Variants in RIT2 observed in about 807,000 individuals in gnomAD.
RIT2 encodes the protein GTP-binding protein Rit2.
In RIT2, 24 loss-of-function variants were observed where a neutral mutation model predicts 23.7. That is an observed-to-expected ratio of 1.01 (90% confidence interval 0.73 to 1.43). The LOEUF (loss-of-function observed/expected upper bound fraction) is 1.43. Among genes scored for constraint, RIT2 ranks in the 40% most tolerant of loss-of-function variants. RIT2 has a pLI of 0.00. For missense variants in RIT2, 236 were observed against 266.9 expected (o/e 0.88, Z 0.81); for synonymous variants, 107 against 91.1 (o/e 1.17, Z -0.99).
At chr18:43,055,168 G>A (rs1912471122) in intron 1 of RIT2, among the ~76,000 whole-genome samples, 1 of 152,102 alleles carries the variant, frequency 6.6e-6, no homozygotes, top group South Asian at 2.1e-4. Context: ...AGAGCAACCT[G>A]ATAAATCAGT....
At chr18:43,023,410 T>A (rs931256477) in intron 2 of RIT2, among the ~76,000 whole-genome samples, 2 of 152,094 alleles carry the variant, frequency 1.3e-5, no homozygotes, top group South Asian at 2.1e-4. Flanking sequence ...AAAGTCTAGA[T>A]GTCCTTATCC....
chr18:42,834,566 C>CACAT (rs1246999728), intron 4 of RIT2, among the ~76,000 whole-genome samples: 1 of 152,092 alleles, frequency 6.6e-6, no homozygotes, highest in East Asian at 1.9e-4. Flanking sequence ...CACACATACA[C>CACAT]ACATACACAC....
rs554311242 is a variant in RIT2 at position 42,949,879 on chromosome 18, G to A, written c.234+24195C>T. On this transcript the variant is annotated intron_variant, in intron 3 of 4. Coordinates refer to ENST00000326695, the MANE Select transcript of RIT2 (RefSeq NM_002930.4). Reference sequence around the variant, plus strand: ...CTGTTCCTGAAGGGAGCATTTTTAGGGCTTGGATGTTATGTACACAAGAAA... The same window carrying A: ...CTGTTCCTGAAGGGAGCATTTTTAGAGCTTGGATGTTATGTACACAAGAAA... 2.0e-5 allele frequency among the ~76,000 whole-genome samples: 3 copies of A among 152,092 alleles called. No individual in the cohort carries two copies. In the East Asian group the frequency reaches 5.8e-4, roughly 29 times the overall value.
chr18:43,104,967 T>G (rs1055169047), intron 1 of RIT2, among the ~76,000 whole-genome samples: 2 of 152,138 alleles, frequency 1.3e-5, no homozygotes, highest in Non-Finnish European at 2.9e-5. Context: ...ATACACAAAT[T>G]GGAAAAATTA....
At chr18:43,111,262 C>T (rs1349826287) in intron 1 of RIT2, among the ~76,000 whole-genome samples, 1 of 151,950 alleles carries the variant, frequency 6.6e-6, no homozygotes, top group Admixed American at 6.6e-5. Flanking sequence ...CAATTTAATT[C>T]ATGGAGATAG....
chr18:43,041,384 A>G (rs1398273428), intron 1 of RIT2, among the ~76,000 whole-genome samples: 1 of 152,198 alleles, frequency 6.6e-6, no homozygotes, highest in Non-Finnish European at 1.5e-5. Flanking sequence ...TATAGCAAGT[A>G]AGAATACTAC....
At chr18:42,756,531 G>A (rs2143892233) in intron 4 of RIT2, among the ~76,000 whole-genome samples, 1 of 152,268 alleles carries the variant, frequency 6.6e-6, no homozygotes, top group African/African-American at 2.4e-5. Context: ...TTTGCTAACA[G>A]CAATATCTGC....
rs570187857 is a variant in RIT2 at position 43,105,614 on chromosome 18, G to A, written c.103+9803C>T. Among the ~76,000 whole-genome samples the A allele has an allele frequency of 2.0e-5, 3 of 152,138 alleles. No homozygotes were observed. The East Asian group carries it at 5.8e-4, about 29-fold the overall frequency. On this transcript the variant is annotated intron_variant, in intron 1 of 4. Transcript: ENST00000326695. ...GTCATCTACCCAGCAATTCTCTGAG[G>A]ATATTTTAATTAAAGCCCTTAATGA... is the stretch of plus-strand genomic sequence containing the variant.
chr18:42,846,937 C>T (rs892272454), intron 4 of RIT2, among the ~76,000 whole-genome samples: 3 of 152,076 alleles, frequency 2.0e-5, no homozygotes, highest in Non-Finnish European at 2.9e-5. Context: ...GTATCTTGAA[C>T]TGGAGTATAA....
intron 4 of RIT2, among the ~76,000 whole-genome samples, chr18:42,854,862 C>A (rs1185983438): frequency 6.6e-6 from 1 of 152,164 alleles, no homozygotes; most frequent in Admixed American, 6.5e-5. Context: ...GCCCTTCCTG[C>A]AGGACCCAAC....
At chr18:42,831,922 C>T (rs1906469634) in intron 4 of RIT2, among the ~76,000 whole-genome samples, 1 of 152,182 alleles carries the variant, frequency 6.6e-6, no homozygotes, top group Admixed American at 6.5e-5. Flanking sequence ...CTACACTAAT[C>T]CTGTAGCTTC....
chr18:42,804,905 G>C (rs955343633), intron 4 of RIT2, among the ~76,000 whole-genome samples: 1 of 152,204 alleles, frequency 6.6e-6, no homozygotes, highest in Admixed American at 6.5e-5. Context: ...AGGGCAGTGT[G>C]AGGCCATTGG....
At chr18:43,021,913 T>C (rs1437010723) in intron 2 of RIT2, among the ~76,000 whole-genome samples, 1 of 152,040 alleles carries the variant, frequency 6.6e-6, no homozygotes, top group Non-Finnish European at 1.5e-5. Flanking sequence ...CCAAAAAAAC[T>C]AAAAGTAGAA....
chr18:42,893,739 T>C (rs781545183), intron 4 of RIT2, among the ~76,000 whole-genome samples: 2 of 152,208 alleles, frequency 1.3e-5, no homozygotes, highest in Non-Finnish European at 2.9e-5. Context: ...GTATCTATAA[T>C]GAAGATAGAA....
At chr18:42,846,462 T>C (rs2144030696) in intron 4 of RIT2, among the ~76,000 whole-genome samples, 1 of 152,144 alleles carries the variant, frequency 6.6e-6, no homozygotes, top group African/African-American at 2.4e-5. Context: ...GGCATCAGCT[T>C]TGATAATAAA....
intron 4 of RIT2, among the ~76,000 whole-genome samples, chr18:42,773,232 C>G (rs199515800): frequency 6.6e-6 from 1 of 152,072 alleles, no homozygotes; most frequent in African/African-American, 2.4e-5. Flanking sequence ...TGATGCAGAA[C>G]TGACATCTCT....
At chr18:42,947,822 T>C (rs1909762041) in intron 3 of RIT2, among the ~76,000 whole-genome samples, 1 of 152,116 alleles carries the variant, frequency 6.6e-6, no homozygotes, top group Non-Finnish European at 1.5e-5. Flanking sequence ...ATAGTAGCTG[T>C]ATATAAAATA....
chr18:42,778,583 G>T (rs1270560514), intron 4 of RIT2, among the ~76,000 whole-genome samples: 1 of 152,050 alleles, frequency 6.6e-6, no homozygotes. Context: ...GTCATTTTTA[G>T]AAGTCATTCT....
rs1300815933 is a variant in RIT2, at chr18:42,870,773, A to G, written c.426+52799T>C. 3.3e-5 allele frequency among the ~76,000 whole-genome samples: 5 copies of G among 151,690 alleles called. No homozygotes were observed. In the East Asian group the frequency reaches 9.7e-4, roughly 29 times the overall value. ...TGGCAGCCCTGCTGAGATGATAAGA[A>G]AAAAAAAATTTCTTTGATAAGAACA... On this transcript the variant is annotated intron_variant, in intron 4 of 4. Coordinates refer to ENST00000326695, the MANE Select transcript of RIT2 (RefSeq NM_002930.4).
Sources: allele counts gnomAD v4.1 joint callset (sites outside exome capture counted in the v4.1 genomes callset), GRCh38; gene constraint gnomAD v4.1.1; transcripts MANE v1.5; gene names NCBI Gene and HGNC (gene_info 2026-07-23, HGNC 2026-07-21).